The following SNX4 variants were observed in gnomAD, a reference collection of about 807,000 sequenced individuals.
SNX4 encodes the protein sorting nexin-4.
SNX4 carries 49 observed loss-of-function variants against 70.8 expected under a neutral mutation model. The ratio of observed to expected loss-of-function variants is 0.69; its 90% confidence interval spans 0.55 to 0.88. The LOEUF (loss-of-function observed/expected upper bound fraction) is 0.88. Ranked by LOEUF, SNX4 falls within the 40% of genes least tolerant of loss-of-function variation. The probability of loss-of-function intolerance (pLI) is 0.00; values close to 1 mark genes in which losing one functional copy is unlikely to be tolerated. For synonymous variants in SNX4, 206 were observed against 183.8 expected, an observed-to-expected ratio of 1.12 and a Z score of -0.98; for missense variants, 528 against 544.8, an observed-to-expected ratio of 0.97 and a Z score of 0.31.
At chr3:125,482,407 C>A (rs1442593597) in intron 6 of SNX4, among the ~76,000 whole-genome samples, 2 of 152,104 alleles carry the variant, frequency 1.3e-5, no homozygotes, top group African/African-American at 4.8e-5. Flanking sequence ...TCATACATTC[C>A]ACTAATTGCC....
In SNX4 at chr3:125,447,828, T is replaced by A. The variant is rs1553724238; in HGVS notation, c.1306-2A>T. On this transcript the variant is annotated splice_acceptor_variant, in intron 13 of 13. Coordinates refer to ENST00000251775, the MANE Select transcript of SNX4 (RefSeq NM_003794.4). LOFTEE classifies it high-confidence loss of function. ...AGCATTGGTCCAAACTTGAATTCCC[T>A]AAAAATAAAAATAAAAACTTTAAAA... 2 of 1,562,386 alleles carry A rather than the reference T, an allele frequency of 1.3e-6. No individual in the cohort carries two copies.
At chr3:125,451,162 C>A in intron 13 of SNX4, 143 bp downstream of exon 13, 4 of 442,558 alleles carry the variant, frequency 9.0e-6, no homozygotes, top group East Asian at 7.1e-5. Flanking sequence ...AAACAGAAAT[C>A]CTACAAAATT....
At chr3:125,495,137 C>A (rs1417462926) in intron 5 of SNX4, among the ~76,000 whole-genome samples, 1 of 151,308 alleles carries the variant, frequency 6.6e-6, no homozygotes, top group Non-Finnish European at 1.5e-5. Flanking sequence ...TCCCCTTGAA[C>A]ATCTCAGAAG....
intron 2 of SNX4, among the ~76,000 whole-genome samples, chr3:125,500,959 C>T (rs1237151859): frequency 1.3e-5 from 2 of 149,604 alleles, no homozygotes; most frequent in Non-Finnish European, 3.0e-5. Flanking sequence ...GCTAAATGGG[C>T]TTTCTACTTG....
intron 2 of SNX4, among the ~76,000 whole-genome samples, 189 bp downstream of exon 2, chr3:125,504,434 T>G (rs919116736): frequency 6.6e-6 from 1 of 150,800 alleles, no homozygotes; most frequent in Non-Finnish European, 1.5e-5. Flanking sequence ...CAGTGAGCCA[T>G]GACTACACCA....
intron 6 of SNX4, among the ~76,000 whole-genome samples, chr3:125,485,557 C>CA (rs905962393): frequency 4.6e-5 from 7 of 152,138 alleles, no homozygotes; most frequent in Non-Finnish European, 1.0e-4. Context: ...CTTGGCCTCC[C>CA]AAAGTGCTGG....
At chr3:125,458,814 C>CAAAAAAAAAAAAAAAAAAAAAAA (rs71148180) in intron 10 of SNX4, among the ~76,000 whole-genome samples, 5 of 64,532 alleles carry the variant, frequency 7.7e-5, no homozygotes, top group South Asian at 8.5e-4. Flanking sequence ...GACTCCGTCT[C>CAAAAAAAAAAAAAAAAAAAAAAA]AAAAAAAAAA....
At chr3:125,450,738 G>A (rs544951264) in intron 13 of SNX4, among the ~76,000 whole-genome samples, 1 of 152,314 alleles carries the variant, frequency 6.6e-6, no homozygotes. Flanking sequence ...ATGGATATCA[G>A]CAACACAAAT....
intron 12 of SNX4, among the ~76,000 whole-genome samples, chr3:125,452,157 G>A (rs572949742): frequency 2.0e-5 from 3 of 151,716 alleles, no homozygotes; most frequent in East Asian, 3.9e-4. Context: ...CCAGGCTGGA[G>A]TGCAGAGGCG....
At chr3:125,452,056 G>A (rs1465936798) in intron 12 of SNX4, among the ~76,000 whole-genome samples, 2 of 151,968 alleles carry the variant, frequency 1.3e-5, no homozygotes, top group African/African-American at 4.8e-5. Flanking sequence ...CCTTCCAGGG[G>A]TCACTGGAAA....
intron 8 of SNX4, 113 bp downstream of exon 8, chr3:125,476,578 AAAAC>A (rs1934293994): frequency 2.8e-6 from 2 of 705,558 alleles, no homozygotes; most frequent in African/African-American, 1.9e-5. Flanking sequence ...TCAAAAAACA[AAAAC>A]AAACAAAAAA....
chr3:125,467,106 G>C (rs1934043840), intron 9 of SNX4, among the ~76,000 whole-genome samples: 1 of 139,338 alleles, frequency 7.2e-6, no homozygotes, highest in African/African-American at 2.8e-5. Context: ...AAAAAAAAGG[G>C]CCAGGTGCGG....
intron 6 of SNX4, among the ~76,000 whole-genome samples, chr3:125,481,895 C>CT (rs1391862377): frequency 1.1e-4 from 16 of 148,542 alleles, no homozygotes; most frequent in East Asian, 5.9e-4. Flanking sequence ...TTCTTTCCTT[C>CT]TTTTTTTTTT....
At chr3:125,474,516 A>C (rs1934249481) in intron 8 of SNX4, among the ~76,000 whole-genome samples, 1 of 152,008 alleles carries the variant, frequency 6.6e-6, no homozygotes, top group Non-Finnish European at 1.5e-5. Flanking sequence ...GGGTCTTGCT[A>C]TGTTGCCAAG....
chr3:125,468,465 T>C (rs1417890331), intron 9 of SNX4, among the ~76,000 whole-genome samples: 1 of 147,326 alleles, frequency 6.8e-6, no homozygotes, highest in East Asian at 2.0e-4. Flanking sequence ...CTTTGGGAGG[T>C]TGAGATGGGA....
chr3:125,493,864 T>C (rs1311567135), intron 5 of SNX4, among the ~76,000 whole-genome samples: 1 of 151,018 alleles, frequency 6.6e-6, no homozygotes, highest in Non-Finnish European at 1.5e-5. Context: ...ACCCCGTCTC[T>C]ACTAAAAAAT....
intron 1 of SNX4, among the ~76,000 whole-genome samples, chr3:125,505,694 G>A (rs1935030321): frequency 6.6e-6 from 1 of 152,172 alleles, no homozygotes; most frequent in African/African-American, 2.4e-5. Flanking sequence ...GTTGTTGCAA[G>A]CCTCTTGTCC....
Position 125,469,727 on chromosome 3 carries a change from GCTGCT to G in SNX4, c.789-213_789-209del, listed in dbSNP as rs577600575. On this transcript the variant is annotated intron_variant, in intron 8 of 13. Coordinates refer to ENST00000251775, the MANE Select transcript of SNX4 (RefSeq NM_003794.4). ...GTGAAGGCTTCAAACGTTGATGCTT[GCTGCT>G]AAGCGGAAGGTAAGTATCATACTCA... is the stretch of plus-strand genomic sequence containing the variant. Among the ~76,000 whole-genome samples the G allele has an allele frequency of 7.3e-5, 11 of 151,402 alleles. No homozygotes were observed. The South Asian group carries it at 2.3e-3, about 31-fold the overall frequency.
At chr3:125,458,590 G>C (rs1432230659) in intron 10 of SNX4, among the ~76,000 whole-genome samples, 1 of 151,894 alleles carries the variant, frequency 6.6e-6, no homozygotes, top group Non-Finnish European at 1.5e-5. Context: ...GCCGAGGCGG[G>C]TGGATCACGA....
Sources: gnomAD v4.1 joint callset for allele counts (sites outside exome capture counted in the v4.1 genomes callset) on GRCh38, gnomAD v4.1.1 for gene constraint, MANE v1.5 for transcripts, NCBI Gene and HGNC (gene_info 2026-07-23, HGNC 2026-07-21) for gene names.